Variants in ZFHX4 observed in about 807,000 individuals in gnomAD.
The protein encoded by ZFHX4 is zinc finger homeobox 4.
A neutral mutation model predicts 267.6 loss-of-function variants in ZFHX4; 56 were observed. The observed-to-expected ratio is 0.21, with a 90% CI of 0.17 to 0.26. The LOEUF (loss-of-function observed/expected upper bound fraction) is 0.26, where lower values mean the gene tolerates loss of function less well. Among genes scored for constraint, ZFHX4 ranks in the 10% least tolerant of loss-of-function variants. The pLI, the probability that ZFHX4 is intolerant of heterozygous loss-of-function variation, is 1.00. For synonymous variants in ZFHX4, 1,778 were observed against 1,665.6 expected (o/e 1.07, Z -1.64); for missense variants, 4,332 against 4,420.0 (o/e 0.98, Z 0.56).
intron 3 of ZFHX4, among the ~76,000 whole-genome samples, chr8:76,769,328 C>CTCTT (rs1158374020): frequency 6.6e-6 from 1 of 151,532 alleles, no homozygotes; most frequent in Admixed American, 6.6e-5. Context: ...AAATTGTTTT[C>CTCTT]TCTTTCTTTC....
At chr8:76,848,161 G>A (rs561509678) in intron 6 of ZFHX4, among the ~76,000 whole-genome samples, 1 of 152,288 alleles carries the variant, frequency 6.6e-6, no homozygotes, top group South Asian at 2.1e-4. Context: ...TGTTTGTCAT[G>A]AGATGTATGT....
At chr8:76,775,471 A>T (rs1442687666) in intron 3 of ZFHX4, among the ~76,000 whole-genome samples, 1 of 152,148 alleles carries the variant, frequency 6.6e-6, no homozygotes, top group Non-Finnish European at 1.5e-5. Flanking sequence ...TCTTCTGACA[A>T]CTCCAACTTA....
chr8:76,803,109 G>A (rs937531462), intron 4 of ZFHX4, among the ~76,000 whole-genome samples: 8 of 152,160 alleles, frequency 5.3e-5, no homozygotes, highest in African/African-American at 1.7e-4. Context: ...TCAACCAACA[G>A]TAAGCAATAT....
In ZFHX4 at chr8:76,849,647, C is replaced by G; in HGVS notation, c.3781C>G (p.Leu1261Val). The change falls in exon 8 of 11, where the codon CTC (leucine) becomes GTC (valine). Residue 1261 changes from leucine to valine, a missense_variant. Around this residue, in one of 7 missense-constraint regions of ZFHX4, gnomAD observed 1,371 missense variants for 1,423.1 expected, o/e 0.96. Coordinates refer to ENST00000651372, the MANE Select transcript of ZFHX4 (RefSeq NM_024721.5). ...GGACGTCCTCAGCAACAAAATGCAT[C>G]TCCAACTGCATCTGACGCATTTGCA... is the stretch of plus-strand genomic sequence containing the variant. Reference protein sequence around the residue: ...CQDVLSNKMHLQLHLTHLHSV... With the variant: ...CQDVLSNKMHVQLHLTHLHSV... The G allele has an allele frequency of 6.2e-7, 1 of 1,613,968 alleles. No individual in the cohort carries two copies. Among genetic ancestry groups the G allele is most frequent in the Non-Finnish European group, 8.5e-7 (1 of 1,179,872 alleles).
At chr8:76,782,278 G>A in intron 4 of ZFHX4, 1 of 395,326 alleles carries the variant, frequency 2.5e-6, no homozygotes, top group Non-Finnish European at 5.1e-6. Context: ...TTCTTGAAAT[G>A]TACACTCTGT....
At chr8:76,773,658 T>G (rs1267518419) in intron 3 of ZFHX4, among the ~76,000 whole-genome samples, 1 of 152,164 alleles carries the variant, frequency 6.6e-6, no homozygotes, top group African/African-American at 2.4e-5. Context: ...GATTTCACTT[T>G]AATATTTGCT....
chr8:76,853,090 C>T lies in ZFHX4; in HGVS notation c.6169C>T (p.Pro2057Ser), dbSNP rs776718720. 4.0e-6 allele frequency: 6 copies of T among 1,490,330 alleles called. No homozygotes were observed. In the South Asian group the frequency reaches 7.4e-5, roughly 18 times the overall value. The allele number at this position is 1,490,330 out of a possible 1,614,324, so 92.3% of individuals were successfully genotyped here. The change falls in exon 10 of 11, where the codon CCA (proline) becomes TCA (serine). Residue 2057 changes from proline to serine, a missense_variant. Transcript: ENST00000651372. Reference protein sequence around the residue: ...PPPPPPPPPPPPPPPSAPPQV... With the variant: ...PPPPPPPPPPSPPPPSAPPQV... Reference sequence around the variant, plus strand: ...TCCTCCTCCTCCTCCTCCTCCCCCCCCACCTCCTCCACCTTCTGCTCCTCC... The same window carrying T: ...TCCTCCTCCTCCTCCTCCTCCCCCCTCACCTCCTCCACCTTCTGCTCCTCC...
In ZFHX4 at chr8:76,704,258, A is replaced by G. The variant is rs772527043; in HGVS notation, c.170A>G (p.Lys57Arg). Residue 57 changes from lysine to arginine, a missense_variant, in exon 2 of 11, where the codon AAA becomes AGA. Physicochemically the swap from Lys to Arg is conservative, Grantham distance 26. Around this residue, in one of 7 missense-constraint regions of ZFHX4, gnomAD observed 1,195 missense variants for 1,173.6 expected, o/e 1.02. Transcript: ENST00000651372. ...TDDNLKTDER[K>R]SEALLGFSVE... is the part of the protein sequence containing the mutation. The stretch of plus-strand genomic sequence containing the variant: ...GACAACCTGAAAACGGATGAGCGCA[A>G]AAGTGAAGCCTTGCTGGGTTTCAGC... 7 of 1,613,924 alleles carry G rather than the reference A, an allele frequency of 4.3e-6. No homozygotes were observed. The Admixed American group carries it at 8.3e-5, about 19-fold the overall frequency.
intron 3 of ZFHX4, among the ~76,000 whole-genome samples, chr8:76,725,888 G>A (rs937559926): frequency 3.9e-5 from 6 of 152,058 alleles, no homozygotes; most frequent in East Asian, 1.9e-4. Context: ...AGGACATTTC[G>A]AAGTCATAAT....
chr8:76,813,777 A>G (rs1016534288), intron 4 of ZFHX4, among the ~76,000 whole-genome samples: 2 of 152,146 alleles, frequency 1.3e-5, no homozygotes, highest in Non-Finnish European at 2.9e-5. Context: ...TCTGTGTTCT[A>G]TGTAAGAGTT....
intron 5 of ZFHX4, 51 bp downstream of exon 5, chr8:76,833,457 C>A (rs1811991161): frequency 7.3e-7 from 1 of 1,373,024 alleles, no homozygotes; most frequent in Non-Finnish European, 1.0e-6. Flanking sequence ...AAATGAGTTG[C>A]TTTTGTTACT....
At chr8:76,689,135 A>G (rs1355387438) in intron 1 of ZFHX4, among the ~76,000 whole-genome samples, 1 of 152,174 alleles carries the variant, frequency 6.6e-6, no homozygotes, top group African/African-American at 2.4e-5. Context: ...ATATGCTTGA[A>G]AAAAGTCTTA....
chr8:76,755,040 G>T (rs1432919785), intron 3 of ZFHX4, among the ~76,000 whole-genome samples: 1 of 152,028 alleles, frequency 6.6e-6, no homozygotes, highest in Non-Finnish European at 1.5e-5. Context: ...CCACCCTGTG[G>T]GTTGCCATTC....
At chr8:76,846,538 C>T (rs1021127849) in intron 6 of ZFHX4, among the ~76,000 whole-genome samples, 1 of 152,000 alleles carries the variant, frequency 6.6e-6, no homozygotes, top group Admixed American at 6.6e-5. Context: ...TAAAACTTAA[C>T]TCTTACTTTT....
At chr8:76,844,063 A>T (rs1011661518) in intron 6 of ZFHX4, among the ~76,000 whole-genome samples, 1 of 152,180 alleles carries the variant, frequency 6.6e-6, no homozygotes, top group Non-Finnish European at 1.5e-5. Context: ...AAAAGAAGCC[A>T]TAGCTGTATA....
Position 76,864,253 on chromosome 8 carries a change from C to G in ZFHX4, c.10539C>G (p.Asn3513Lys). ...CGCAGTCTGCAGCTTCTTCTAATAA[C>G]ACCTATCCTCATCTTTCTTGCTTCT... is the stretch of plus-strand genomic sequence containing the variant. ...STSQSAASSN[N>K]TYPHLSCFSM... The change falls in exon 11 of 11, where the codon AAC becomes AAG. Residue 3513 changes from asparagine to lysine, a missense_variant. Physicochemically the swap from Asn to Lys is moderately conservative, Grantham distance 94 (BLOSUM62 0). Transcript: ENST00000651372. 1 of 1,613,964 alleles carries G rather than the reference C, an allele frequency of 6.2e-7. No homozygotes were observed. Among genetic ancestry groups the G allele is most frequent in the Non-Finnish European group, 8.5e-7 (1 of 1,179,852 alleles).
At chr8:76,738,772 C>T (rs1809239625) in intron 3 of ZFHX4, among the ~76,000 whole-genome samples, 1 of 150,748 alleles carries the variant, frequency 6.6e-6, no homozygotes, top group South Asian at 2.1e-4. Flanking sequence ...CTTGCTCTGT[C>T]ACCCAGGCTG....
intron 3 of ZFHX4, among the ~76,000 whole-genome samples, chr8:76,743,184 T>C (rs1809367077): frequency 6.6e-6 from 1 of 152,196 alleles, no homozygotes; most frequent in African/African-American, 2.4e-5. Flanking sequence ...CAGCCACAGA[T>C]TTCAGGCCTT....
intron 3 of ZFHX4, among the ~76,000 whole-genome samples, chr8:76,743,077 ACCATTTAT>A (rs1430127321): frequency 2.5e-4 from 38 of 152,228 alleles, no homozygotes; most frequent in African/African-American, 7.7e-4. Context: ...TTTTACATTT[ACCATTTAT>A]CTTTCCAGTG....
Sources: allele counts gnomAD v4.1 joint callset (sites outside exome capture counted in the v4.1 genomes callset), GRCh38; gene constraint gnomAD v4.1.1; regional missense constraint gnomAD v4.1.1; transcripts MANE v1.5; gene names NCBI Gene and HGNC (gene_info 2026-07-23, HGNC 2026-07-21).